Variants in FREM1 observed in about 807,000 individuals in gnomAD.
The protein encoded by FREM1 is FRAS1 related extracellular matrix 1.
In FREM1, 220 loss-of-function variants were observed where a neutral mutation model predicts 210.1. That is an observed-to-expected ratio of 1.05 (90% confidence interval 0.94 to 1.17). The LOEUF (loss-of-function observed/expected upper bound fraction) is 1.17, where lower values mean the gene tolerates loss of function less well. FREM1 is among the 50% of genes most tolerant of loss of function. The probability of loss-of-function intolerance (pLI) is 0.00; values close to 1 mark genes in which losing one functional copy is unlikely to be tolerated. For missense variants in FREM1, 3,454 were observed against 2,675.5 expected (o/e 1.29, Z -6.42); for synonymous variants, 1,189 against 980.2 (o/e 1.21, Z -3.98).
chr9:14,882,747 G>A (rs1476370630), intron 1 of FREM1, among the ~76,000 whole-genome samples: 1 of 151,276 alleles, frequency 6.6e-6, no homozygotes, highest in Non-Finnish European at 1.5e-5. Flanking sequence ...GTGAACCACT[G>A]CACCTGGCCA....
chr9:14,841,874 C>G (rs1240331099), intron 9 of FREM1, among the ~76,000 whole-genome samples: 2 of 152,180 alleles, frequency 1.3e-5, no homozygotes, highest in Non-Finnish European at 2.9e-5. Flanking sequence ...CAAAGTAACA[C>G]TAACTACTTA....
chr9:14,880,854 G>A (rs1055386265), intron 1 of FREM1, among the ~76,000 whole-genome samples: 6 of 152,154 alleles, frequency 3.9e-5, no homozygotes, highest in African/African-American at 1.4e-4. Flanking sequence ...ATGTCATCAT[G>A]TAATTATGTT....
At position 14,812,131 on chromosome 9, in the gene FREM1, T is replaced by G. The variant is rs142557699; in HGVS notation, c.2893+681A>C. 5.7e-3 allele frequency among the ~76,000 whole-genome samples: 865 copies of G among 152,266 alleles called. 11 individuals carry two copies. Among genetic ancestry groups the G allele is most frequent in the African/African-American group, 0.02 (819 of 41,566 alleles). ...ACCCATTTAAGTTCAAAGTCTTTCA[T>G]AGCAGGGTCTAGGTCATATTCCTGT... On this transcript the variant is annotated intron_variant, in intron 16 of 36. Transcript: ENST00000380880.
chr9:14,768,067 A>T (rs1323402899), intron 27 of FREM1, among the ~76,000 whole-genome samples: 1 of 152,194 alleles, frequency 6.6e-6, no homozygotes, highest in East Asian at 1.9e-4. Flanking sequence ...AATATAAATC[A>T]TCTTCCAAAA....
rs114470777 is a variant in FREM1 at position 14,877,244 on chromosome 9, C to G, written c.-267-8000G>C. Among the ~76,000 whole-genome samples, 1,034 of 152,046 alleles carry G rather than the reference C, an allele frequency of 6.8e-3. 10 individuals are homozygous for G. Among genetic ancestry groups the G allele is most frequent in the African/African-American group, 0.022 (927 of 41,430 alleles). ...CTCTAGCCTGGACCCTCTTGCTTAA[C>G]TCTAGATTTGCACATGCAACTGTCT... is the stretch of plus-strand genomic sequence containing the variant. On this transcript the variant is annotated intron_variant, in intron 1 of 36. Transcript: ENST00000380880.
At chr9:14,826,228 G>A (rs543320030) in intron 10 of FREM1, among the ~76,000 whole-genome samples, 3 of 151,706 alleles carry the variant, frequency 2.0e-5, no homozygotes, top group African/African-American at 4.8e-5. Flanking sequence ...AGTAGCTGGG[G>A]CTACGGGCTT....
At chr9:14,749,975 G>C (rs1240858799) in intron 30 of FREM1, among the ~76,000 whole-genome samples, 152 bp downstream of exon 30, 1 of 152,190 alleles carries the variant, frequency 6.6e-6, no homozygotes. Flanking sequence ...GCAGAAACCA[G>C]AATAAAGGGC....
At chr9:14,874,985 G>C (rs1361865959) in intron 1 of FREM1, among the ~76,000 whole-genome samples, 1 of 152,158 alleles carries the variant, frequency 6.6e-6, no homozygotes, top group African/African-American at 2.4e-5. Flanking sequence ...TAAGAATCTT[G>C]AATATTGGCC....
rs1342632218 is a variant in FREM1 at position 14,904,435 on chromosome 9, T to A, written c.-268+5479A>T. On this transcript the variant is annotated intron_variant, in intron 1 of 36. Transcript: ENST00000380880. ...ATAATCAGAGCCTGGAATGATGCAC[T>A]GAGCCAGTAAGTTAGCTTCCAATAA... 2.0e-5 allele frequency among the ~76,000 whole-genome samples: 3 copies of A among 152,220 alleles called. No individual in the cohort carries two copies. In the South Asian group the frequency reaches 6.2e-4, roughly 32 times the overall value.
intron 2 of FREM1, among the ~76,000 whole-genome samples, chr9:14,867,326 G>C (rs1458565889): frequency 2.6e-5 from 4 of 152,138 alleles, no homozygotes; most frequent in Non-Finnish European, 5.9e-5. Context: ...AACACATTCA[G>C]AATGCAAGTA....
At chr9:14,800,001 T>C (rs1032078237) in intron 20 of FREM1, among the ~76,000 whole-genome samples, 1 of 134,900 alleles carries the variant, frequency 7.4e-6, no homozygotes, top group Non-Finnish European at 1.5e-5. Context: ...CCTGTGTCCA[T>C]GTGTTCTCAT....
chr9:14,831,762 T>A (rs1823596695), intron 10 of FREM1, among the ~76,000 whole-genome samples: 1 of 152,144 alleles, frequency 6.6e-6, no homozygotes, highest in Non-Finnish European at 1.5e-5. Context: ...CACGCAAGTC[T>A]AGGAGGTCAA....
In FREM1 at chr9:14,740,341, G is replaced by T; in HGVS notation, c.6255-107C>A. 3.7e-6 allele frequency: 3 copies of T among 807,814 alleles called. No homozygotes were observed. The South Asian group carries it at 4.9e-5, about 13-fold the overall frequency. 50.0% of individuals were successfully genotyped at this position (807,814 alleles called of 1,614,324 possible). ...TAAGTTTAAAATACACAAAAAAGTA[G>T]GTCTTTAAAAAAACTTTCTAAGATT... On this transcript the variant is annotated intron_variant, in intron 35 of 36. Transcript: ENST00000380880.
rs377001788 is a variant in FREM1, at chr9:14,770,587, G to C, written c.5059+18C>G. 60 of 1,590,484 alleles carry C rather than the reference G, an allele frequency of 3.8e-5. No individual in the cohort carries two copies. The highest frequency in any genetic ancestry group is 1.9e-4 in the Middle Eastern group (1 of 5,308). On this transcript the variant is annotated intron_variant, in intron 26 of 36. Transcript: ENST00000380880. ...GGTATTTTAAAATGGCAATTGTAAG[G>C]ATTAAGGAGGCCAGTACCTGTTGTT...
chr9:14,792,303 CAGAGAGAG>C (rs150406422), intron 22 of FREM1, among the ~76,000 whole-genome samples: 6 of 137,678 alleles, frequency 4.4e-5, no homozygotes, highest in East Asian at 2.2e-4. Flanking sequence ...CACACACACA[CAGAGAGAG>C]AGAGAGATTG....
At chr9:14,755,583 A>G (rs1487437752) in intron 29 of FREM1, among the ~76,000 whole-genome samples, 2 of 152,222 alleles carry the variant, frequency 1.3e-5, no homozygotes, top group African/African-American at 4.8e-5. Flanking sequence ...TCCCATCCAC[A>G]GAAGCCAGGG....
At chr9:14,767,358 T>C (rs1324293016) in intron 27 of FREM1, among the ~76,000 whole-genome samples, 1 of 152,180 alleles carries the variant, frequency 6.6e-6, no homozygotes, top group Non-Finnish European at 1.5e-5. Context: ...TGGTGTTCCA[T>C]TCCCTTCAGG....
intron 1 of FREM1, among the ~76,000 whole-genome samples, chr9:14,891,485 G>T (rs774780438): frequency 6.6e-6 from 1 of 152,232 alleles, no homozygotes; most frequent in African/African-American, 2.4e-5. Context: ...CTAGCAACTG[G>T]GGAGGCTGAG....
intron 25 of FREM1, chr9:14,774,116 T>C (rs1848102314): frequency 1.9e-6 from 1 of 519,050 alleles, no homozygotes; most frequent in Non-Finnish European, 3.8e-6. Context: ...TTATCATTTC[T>C]TTGCATTTTT....
Sources: allele counts gnomAD v4.1 joint callset (sites outside exome capture counted in the v4.1 genomes callset), GRCh38; gene constraint gnomAD v4.1.1; transcripts MANE v1.5; gene names NCBI Gene and HGNC (gene_info 2026-07-23, HGNC 2026-07-21).